Variants in IREB2 observed in about 807,000 individuals in gnomAD.
The protein encoded by IREB2 is iron responsive element binding protein 2.
In IREB2, 39 loss-of-function variants were observed where a neutral mutation model predicts 118.8. That is an observed-to-expected ratio of 0.33 (90% confidence interval 0.25 to 0.43). IREB2 has a LOEUF of 0.43. Ranked by LOEUF, IREB2 falls within the 20% of genes least tolerant of loss-of-function variation. IREB2 has a pLI of 1.00. For synonymous variants in IREB2, 372 were observed against 392.2 expected (o/e 0.95, Z 0.61); for missense variants, 900 against 1,147.3 (o/e 0.78, Z 3.11).
At chr15:78,495,225 A>T (rs1287694030) in intron 20 of IREB2, among the ~76,000 whole-genome samples, 2 of 152,158 alleles carry the variant, frequency 1.3e-5, no homozygotes, top group African/African-American at 4.8e-5. Flanking sequence ...AAATGTAAAT[A>T]CTCTGAGGGG....
At chr15:78,465,151 AGG>A (rs1250870900) in intron 3 of IREB2, 98 bp from the exon 4 acceptor site, 1 of 905,140 alleles carries the variant, frequency 1.1e-6, no homozygotes, top group African/African-American at 1.7e-5. Context: ...TAAACTAGAC[AGG>A]GATACTTTTT....
At chr15:78,491,101 C>T (rs895524310) in intron 18 of IREB2, among the ~76,000 whole-genome samples, 10 of 152,192 alleles carry the variant, frequency 6.6e-5, no homozygotes, top group Non-Finnish European at 1.3e-4. Context: ...GAAGCCTGCT[C>T]ATTTGGTTAA....
chr15:78,485,617 A>T, intron 12 of IREB2, 88 bp from the exon 13 acceptor site: 7 of 1,325,460 alleles, frequency 5.3e-6, no homozygotes, highest in Non-Finnish European at 7.3e-6. Flanking sequence ...AATCTGTTAA[A>T]TAAATTACTT....
intron 8 of IREB2, 197 bp from the exon 9 acceptor site, chr15:78,475,991 T>C (rs1040324207): frequency 2.4e-6 from 1 of 413,272 alleles, no homozygotes; most frequent in Non-Finnish European, 4.3e-6. Flanking sequence ...AACAGTGACA[T>C]TGGACCAGTC....
chr15:78,466,765 A>C (rs1276522743), intron 5 of IREB2, among the ~76,000 whole-genome samples: 2 of 152,232 alleles, frequency 1.3e-5, no homozygotes, highest in Non-Finnish European at 2.9e-5. Context: ...CTGTAAGCAG[A>C]AAAATGGGAT....
chr15:78,445,000 G>A (rs1202611124), intron 2 of IREB2, among the ~76,000 whole-genome samples: 1 of 152,100 alleles, frequency 6.6e-6, no homozygotes, highest in Non-Finnish European at 1.5e-5. Flanking sequence ...AATAAACTTT[G>A]TATGTGCTAA....
At chr15:78,470,866 T>A (rs1338774262) in intron 6 of IREB2, 1 of 227,386 alleles carries the variant, frequency 4.4e-6, no homozygotes, top group Non-Finnish European at 8.5e-6. Context: ...GGCTAATTTT[T>A]GTATTTTTAG....
chr15:78,494,245 C>T lies in IREB2; in HGVS notation c.2576C>T (p.Ala859Val), dbSNP rs149013825. The stretch of plus-strand genomic sequence containing the variant: ...TCAGGAAACTCCAGAGACTGGGCTG[C>T]CAAAGGACCGTATTTACTGGTATTG... ...YGSGNSRDWA[A>V]KGPYLLGVKA... The change falls in exon 20 of 22, where the codon GCC (alanine) becomes GTC (valine). Residue 859 changes from alanine to valine, a missense_variant. Physicochemically the swap from Ala to Val is moderately conservative, Grantham distance 64. Transcript: ENST00000258886. 6 of 1,613,620 alleles carry T rather than the reference C, an allele frequency of 3.7e-6. No individual in the cohort carries two copies. Among genetic ancestry groups the T allele is most frequent in the Non-Finnish European group, 5.1e-6 (6 of 1,179,898 alleles).
Position 78,482,643 on chromosome 15 carries a change from T to C in IREB2, c.1297-675T>C, listed in dbSNP as rs190855153. Among the ~76,000 whole-genome samples the C allele has an allele frequency of 4.8e-3, 731 of 152,172 alleles. 6 individuals are homozygous for C. The highest frequency in any genetic ancestry group is 0.016 in the African/African-American group (673 of 41,554). On this transcript the variant is annotated intron_variant, in intron 10 of 21. Transcript: ENST00000258886. ...CACAGAGCGGGCAGGAGGGTAGATT[T>C]GGAGCTCAGAGGCAATAAGTTGATA...
intron 2 of IREB2, among the ~76,000 whole-genome samples, chr15:78,441,317 AG>A (rs1323663636): frequency 6.6e-6 from 1 of 152,230 alleles, no homozygotes; most frequent in Non-Finnish European, 1.5e-5. Context: ...CGTTTGTTAA[AG>A]GAAGTTGGTC....
intron 2 of IREB2, among the ~76,000 whole-genome samples, chr15:78,442,764 G>A (rs749239485): frequency 6.6e-6 from 1 of 152,132 alleles, no homozygotes; most frequent in African/African-American, 2.4e-5. Flanking sequence ...CTTTCTTCCC[G>A]TTCTGTTTTT....
intron 7 of IREB2, 70 bp from the exon 8 acceptor site, chr15:78,473,172 G>C (rs1357996184): frequency 7.1e-7 from 1 of 1,411,010 alleles, no homozygotes; most frequent in East Asian, 2.3e-5. Flanking sequence ...AACACCTAGA[G>C]ATTCAGATGT....
chr15:78,455,393 T>C (rs2051090074), intron 2 of IREB2, among the ~76,000 whole-genome samples: 1 of 152,062 alleles, frequency 6.6e-6, no homozygotes, highest in African/African-American at 2.4e-5. Context: ...TCCTGAACTT[T>C]ATACCTGTTT....
intron 5 of IREB2, among the ~76,000 whole-genome samples, chr15:78,470,049 T>C (rs17405883): frequency 0.026 from 4,004 of 152,326 alleles, 71 homozygotes; most frequent in Non-Finnish European, 0.044. Context: ...TCTTTTGGTA[T>C]GAGATGAATG....
At chr15:78,462,110 C>T (rs188918139) in intron 2 of IREB2, among the ~76,000 whole-genome samples, 36 of 152,230 alleles carry the variant, frequency 2.4e-4, no homozygotes, top group African/African-American at 8.2e-4. Context: ...TTTAAACTCT[C>T]TTTCTTACAG....
chr15:78,480,882 G>A (rs1167342411), intron 10 of IREB2, among the ~76,000 whole-genome samples: 5 of 151,344 alleles, frequency 3.3e-5, no homozygotes, highest in African/African-American at 7.3e-5. Flanking sequence ...GGTGGCATGC[G>A]CCTGTAGTCC....
At chr15:78,457,348 T>C (rs543277919) in intron 2 of IREB2, among the ~76,000 whole-genome samples, 1 of 152,318 alleles carries the variant, frequency 6.6e-6, no homozygotes, top group Admixed American at 6.5e-5. Context: ...CTCTTTGTTT[T>C]GGAGACTCTC....
intron 9 of IREB2, among the ~76,000 whole-genome samples, chr15:78,477,480 CAT>C (rs1209174388): frequency 2.0e-5 from 3 of 152,184 alleles, no homozygotes; most frequent in African/African-American, 2.4e-5. Context: ...AAAACACCCT[CAT>C]GTGGTTTCTC....
At chr15:78,439,598 A>T (rs1410383386) in intron 1 of IREB2, among the ~76,000 whole-genome samples, 197 bp from the exon 2 acceptor site, 1 of 152,228 alleles carries the variant, frequency 6.6e-6, no homozygotes, top group Non-Finnish European at 1.5e-5. Context: ...TTAAAAATTC[A>T]GTTCCTCAGG....
Sources: gnomAD v4.1 joint callset for allele counts (sites outside exome capture counted in the v4.1 genomes callset) on GRCh38, gnomAD v4.1.1 for gene constraint, MANE v1.5 for transcripts, NCBI Gene and HGNC (gene_info 2026-07-23, HGNC 2026-07-21) for gene names.